The following RBFOX1 variants were observed in gnomAD, a reference collection of about 807,000 sequenced individuals.
The protein encoded by RBFOX1 is RNA binding protein fox-1 homolog 1.
In RBFOX1, 8 loss-of-function variants were observed where a neutral mutation model predicts 57.7. That is an observed-to-expected ratio of 0.14 (90% CI 0.08 to 0.25). The LOEUF (loss-of-function observed/expected upper bound fraction) is 0.25, where lower values mean the gene tolerates loss of function less well. Ranked by LOEUF, RBFOX1 falls within the 10% of genes least tolerant of loss-of-function variation. The pLI is 1.00. For synonymous variants in RBFOX1, 326 were observed against 222.4 expected, an observed-to-expected ratio of 1.47 and a Z score of -4.15; for missense variants, 611 against 548.5, an observed-to-expected ratio of 1.11 and a Z score of -1.14.
chr16:5,670,525 A>T (rs1175323557), intron 3 of RBFOX1, among the ~76,000 whole-genome samples: 1 of 152,202 alleles, frequency 6.6e-6, no homozygotes, highest in Admixed American at 6.5e-5. Flanking sequence ...TTAAGCCACA[A>T]GCCCTGATTT....
chr16:7,108,073 C>T (rs2063934634), intron 4 of RBFOX1, among the ~76,000 whole-genome samples: 1 of 152,112 alleles, frequency 6.6e-6, no homozygotes, highest in Admixed American at 6.5e-5. Context: ...GATGCTGCTT[C>T]ATCGTTCTGA....
rs141960258 is a variant in RBFOX1 at position 6,784,492 on chromosome 16, A to G, written c.-16+129842A>G. Among the ~76,000 whole-genome samples the G allele has an allele frequency of 3.9e-3, 601 of 152,202 alleles. 2 individuals are homozygous for G. Among genetic ancestry groups the G allele is most frequent in the Non-Finnish European group, 6.1e-3 (415 of 68,014 alleles). On this transcript the variant is annotated intron_variant, in intron 3 of 15. Transcript: ENST00000550418. ...TTATTATAATCTCTTTGCTAGATTT[A>G]TCTGATAGAATTCCAAATTCCTCTT...
At chr16:7,151,359 A>T (rs937406235) in intron 4 of RBFOX1, among the ~76,000 whole-genome samples, 10 of 152,198 alleles carry the variant, frequency 6.6e-5, no homozygotes, top group Admixed American at 5.9e-4. Context: ...TTATTGGCTC[A>T]TGAAATTAGG....
chr16:6,853,416 C>T (rs1306821156), intron 3 of RBFOX1, among the ~76,000 whole-genome samples: 1 of 152,090 alleles, frequency 6.6e-6, no homozygotes, highest in Non-Finnish European at 1.5e-5. Flanking sequence ...ACTGATAGTG[C>T]CTGCCCCCAG....
At chr16:5,641,405 G>A (rs1198247710) in intron 3 of RBFOX1, among the ~76,000 whole-genome samples, 4 of 152,238 alleles carry the variant, frequency 2.6e-5, no homozygotes, top group African/African-American at 9.6e-5. Context: ...TCCAGTAGTA[G>A]TAAGTGCTAC....
At chr16:7,015,366 G>A (rs1029103289) in intron 3 of RBFOX1, among the ~76,000 whole-genome samples, 1 of 152,218 alleles carries the variant, frequency 6.6e-6, no homozygotes, top group South Asian at 2.1e-4. Context: ...CTGGGCATCA[G>A]AACCACCTCA....
intron 3 of RBFOX1, among the ~76,000 whole-genome samples, chr16:6,685,235 T>C (rs1208673058): frequency 6.6e-6 from 1 of 151,674 alleles, no homozygotes; most frequent in Non-Finnish European, 1.5e-5. Flanking sequence ...TGGCAATAAA[T>C]GACTTCACGT....
At chr16:5,598,616 A>G (rs531297353) in intron 2 of RBFOX1, among the ~76,000 whole-genome samples, 7 of 152,240 alleles carry the variant, frequency 4.6e-5, no homozygotes, top group Admixed American at 4.6e-4. Context: ...GGTGTTTTAT[A>G]TTCATTTTCT....
chr16:7,124,598 A>T (rs1258465397), intron 4 of RBFOX1, among the ~76,000 whole-genome samples: 1 of 131,462 alleles, frequency 7.6e-6, no homozygotes, highest in Non-Finnish European at 1.6e-5. Flanking sequence ...ATAAGTTGTG[A>T]GTTTTCTCAT....
At chr16:7,321,295 C>T (rs543831022) in intron 4 of RBFOX1, among the ~76,000 whole-genome samples, 3 of 152,014 alleles carry the variant, frequency 2.0e-5, no homozygotes, top group Admixed American at 6.6e-5. Flanking sequence ...CAGGTGTGTG[C>T]CACCATACCC....
chr16:6,767,351 G>GC (rs901739846), intron 3 of RBFOX1, among the ~76,000 whole-genome samples: 24 of 152,132 alleles, frequency 1.6e-4, no homozygotes, highest in African/African-American at 1.4e-4. Flanking sequence ...CCATTTCTCT[G>GC]CCCCCCTGAG....
intron 1 of RBFOX1, among the ~76,000 whole-genome samples, chr16:6,189,942 A>G (rs567175543): frequency 4.1e-4 from 62 of 152,294 alleles, no homozygotes; most frequent in Middle Eastern, 3.4e-3. Flanking sequence ...TGCCCAGACT[A>G]ATGTCCTGGA....
At chr16:6,118,597 C>G (rs1458018742) in intron 1 of RBFOX1, among the ~76,000 whole-genome samples, 1 of 151,858 alleles carries the variant, frequency 6.6e-6, no homozygotes, top group Non-Finnish European at 1.5e-5. Context: ...CTCTCCCTCT[C>G]TTTCTCTGTC....
intron 4 of RBFOX1, among the ~76,000 whole-genome samples, chr16:7,437,367 C>T (rs921488459): frequency 1.2e-4 from 18 of 151,662 alleles, no homozygotes; most frequent in African/African-American, 4.4e-4. Flanking sequence ...ATGACTCCTA[C>T]TTCCATCGCA....
intron 1 of RBFOX1, among the ~76,000 whole-genome samples, chr16:6,315,808 C>T (rs1055894263): frequency 6.6e-6 from 1 of 152,098 alleles, no homozygotes; most frequent in African/African-American, 2.4e-5. Flanking sequence ...ATTTTGAAGT[C>T]ACTTGATGTT....
chr16:6,705,934 C>G (rs1449293589), intron 3 of RBFOX1, among the ~76,000 whole-genome samples: 1 of 152,138 alleles, frequency 6.6e-6, no homozygotes, highest in African/African-American at 2.4e-5. Context: ...GGGAGGAGCA[C>G]TTGAGCCTGG....
At chr16:7,457,285 A>G (rs1022860054) in intron 4 of RBFOX1, among the ~76,000 whole-genome samples, 7 of 152,104 alleles carry the variant, frequency 4.6e-5, no homozygotes, top group Non-Finnish European at 7.4e-5. Context: ...GTGTCATGGA[A>G]TAGCAAACAC....
chr16:5,593,904 A>G (rs2047095030), intron 2 of RBFOX1, among the ~76,000 whole-genome samples: 1 of 152,168 alleles, frequency 6.6e-6, no homozygotes, highest in Non-Finnish European at 1.5e-5. Flanking sequence ...TAACAGAGGT[A>G]CTGACCCCAT....
intron 2 of RBFOX1, among the ~76,000 whole-genome samples, chr16:6,493,010 T>C (rs141192744): frequency 1.5e-3 from 224 of 152,334 alleles, no homozygotes; most frequent in African/African-American, 4.7e-3. Flanking sequence ...GCTTTTAAGA[T>C]TACACCTTTA....
Sources: allele counts gnomAD v4.1 joint callset (sites outside exome capture counted in the v4.1 genomes callset), GRCh38; gene constraint gnomAD v4.1.1; transcripts MANE v1.5; gene names NCBI Gene and HGNC (gene_info 2026-07-23, HGNC 2026-07-21).